PCSK5: variants seen among roughly 807,000 people sequenced by gnomAD.
PCSK5 encodes proprotein convertase subtilisin/kexin type 5.
In PCSK5, 129 loss-of-function variants were observed where a neutral mutation model predicts 233.2. That is an observed-to-expected ratio of 0.55 (90% CI 0.48 to 0.64). The LOEUF (loss-of-function observed/expected upper bound fraction) is 0.64, where lower values mean the gene tolerates loss of function less well. PCSK5 is among the 30% of genes least tolerant of loss of function. The pLI is 0.00. For synonymous variants in PCSK5, 825 were observed against 879.2 expected, an observed-to-expected ratio of 0.94 and a Z score of 1.09; for missense variants, 2,076 against 2,430.1, an observed-to-expected ratio of 0.85 and a Z score of 3.06.
At chr9:76,174,858 G>A (rs1823501227) in intron 13 of PCSK5, 128 bp from the exon 14 acceptor site, 1 of 738,782 alleles carries the variant, frequency 1.4e-6, no homozygotes, top group Non-Finnish European at 2.3e-6. Context: ...TGCGTTTGAT[G>A]TAGTGATTGA....
Position 76,253,096 on chromosome 9 carries a change from C to T in PCSK5, c.3142+12412C>T, listed in dbSNP as rs185481932. Among the ~76,000 whole-genome samples the T allele has an allele frequency of 1.0e-3, 153 of 152,232 alleles. 2 individuals are homozygous for T. The highest frequency in any genetic ancestry group is 8.5e-3 in the Admixed American group (130 of 15,288). On this transcript the variant is annotated intron_variant, in intron 24 of 37. Coordinates refer to ENST00000674117, the MANE Select transcript of PCSK5 (RefSeq NM_001372043.1). Reference sequence around the variant, plus strand: ...GGAAGGAAGTGGCTGATTGTAAAACCGCTGCTCAGCATTCATAAAGCATCG... The same window carrying T: ...GGAAGGAAGTGGCTGATTGTAAAACTGCTGCTCAGCATTCATAAAGCATCG...
At chr9:76,190,564 A>C (rs961074809) in intron 20 of PCSK5, among the ~76,000 whole-genome samples, 2 of 147,014 alleles carry the variant, frequency 1.4e-5, no homozygotes, top group African/African-American at 5.0e-5. Flanking sequence ...TATTTTTAAT[A>C]GCAGCATAAA....
At chr9:76,171,749 T>G (rs1823339898) in intron 13 of PCSK5, among the ~76,000 whole-genome samples, 4 of 152,200 alleles carry the variant, frequency 2.6e-5, no homozygotes. Context: ...CCTAGTCACC[T>G]CCAGTCATTT....
At chr9:76,357,706 A>G (rs1830336206) in intron 37 of PCSK5, among the ~76,000 whole-genome samples, 1 of 152,170 alleles carries the variant, frequency 6.6e-6, no homozygotes. Flanking sequence ...CCTGGATTTG[A>G]ATTCTGATTG....
chr9:76,048,747 A>G (rs1829513413), intron 5 of PCSK5, among the ~76,000 whole-genome samples: 1 of 152,236 alleles, frequency 6.6e-6, no homozygotes, highest in Admixed American at 6.5e-5. Context: ...CTGACAAGTA[A>G]AAGATAAGTG....
chr9:76,251,563 C>CAA lies in PCSK5; in HGVS notation c.3142+10895_3142+10896dup, dbSNP rs60973474. Among the ~76,000 whole-genome samples, 796 of 96,674 alleles carry CAA rather than the reference C, an allele frequency of 8.2e-3. 11 individuals are homozygous for CAA. The highest frequency in any genetic ancestry group is 0.028 in the African/African-American group (668 of 23,584). The allele number at this position is 96,674 out of a possible 152,430, so 63.4% of individuals were successfully genotyped here. On this transcript the variant is annotated intron_variant, in intron 24 of 37. Coordinates refer to ENST00000674117, the MANE Select transcript of PCSK5 (RefSeq NM_001372043.1). ...TGGGTGACAGAGCGAGACTCCGTCT[C>CAA]AAAAAAAAAAAAAAAAAGACAGAAA... is the stretch of plus-strand genomic sequence containing the variant.
chr9:76,143,728 C>CTTT lies in PCSK5; in HGVS notation c.1312+9529_1312+9531dup, dbSNP rs11382449. Among the ~76,000 whole-genome samples the CTTT allele has an allele frequency of 4.2e-3, 598 of 142,008 alleles. 6 individuals carry two copies. Among genetic ancestry groups the CTTT allele is most frequent in the African/African-American group, 0.015 (571 of 38,912 alleles). The allele number at this position is 142,008 out of a possible 152,430, so 93.2% of individuals were successfully genotyped here. ...ATATAATCATCTTTGCTACATCCCA[C>CTTT]TTTTTTTTTTTTTTTAAGAGAAAGA... On this transcript the variant is annotated intron_variant, in intron 10 of 37. Coordinates refer to ENST00000674117, the MANE Select transcript of PCSK5 (RefSeq NM_001372043.1).
chr9:76,237,239 G>A (rs1407539068), intron 22 of PCSK5, among the ~76,000 whole-genome samples: 2 of 152,182 alleles, frequency 1.3e-5, no homozygotes, highest in African/African-American at 4.8e-5. Flanking sequence ...CCACAATGTT[G>A]ATCGATAGCT....
intron 5 of PCSK5, among the ~76,000 whole-genome samples, chr9:76,050,706 G>A (rs998229733): frequency 1.3e-5 from 2 of 152,160 alleles, no homozygotes; most frequent in African/African-American, 4.8e-5. Context: ...ATTTGCATAA[G>A]TCTTGCAATG....
rs557447830 is a variant in PCSK5, at chr9:75,932,542, A to T, written c.297+59A>T. On this transcript the variant is annotated intron_variant, in intron 2 of 37. Transcript: ENST00000674117. ...CAAAGCTTCTGCATTTTTCATTGGT[A>T]ATAACACACTAGGGGCTGAGGACCA... The T allele has an allele frequency of 6.2e-6, 6 of 964,696 alleles. No individual in the cohort carries two copies. The African/African-American group carries it at 8.0e-5, about 13-fold the overall frequency. 59.8% of individuals were successfully genotyped at this position (964,696 alleles called of 1,614,324 possible).
intron 5 of PCSK5, among the ~76,000 whole-genome samples, chr9:76,039,041 T>C (rs1828985085): frequency 2.0e-5 from 3 of 152,210 alleles, no homozygotes; most frequent in African/African-American, 7.2e-5. Flanking sequence ...TTCATATTTG[T>C]TGAAATCTTT....
intron 8 of PCSK5, among the ~76,000 whole-genome samples, chr9:76,102,767 G>C (rs748333556): frequency 6.6e-6 from 1 of 152,158 alleles, no homozygotes; most frequent in Non-Finnish European, 1.5e-5. Context: ...TGTGAGTTTT[G>C]TTTGGATGGT....
intron 24 of PCSK5, among the ~76,000 whole-genome samples, chr9:76,267,640 G>A (rs914731230): frequency 6.6e-6 from 1 of 152,088 alleles, no homozygotes; most frequent in African/African-American, 2.4e-5. Flanking sequence ...TCCCAGCTGA[G>A]CAAGACATAA....
chr9:76,249,864 A>G (rs1390225194), intron 24 of PCSK5, among the ~76,000 whole-genome samples: 1 of 152,240 alleles, frequency 6.6e-6, no homozygotes, highest in Non-Finnish European at 1.5e-5. Context: ...TAATATAGAT[A>G]GAATGGTATT....
rs531879627 is a variant in PCSK5 at position 76,255,567 on chromosome 9, T to G, written c.3142+14883T>G. 2.0e-5 allele frequency among the ~76,000 whole-genome samples: 3 copies of G among 152,314 alleles called. No homozygotes were observed. In the South Asian group the frequency reaches 6.2e-4, roughly 32 times the overall value. ...TAGGCTCAGTGGCTTACACCTGTAATCCTAGCACTTTGGGCAGTTAAGGTG... is the reference window on the plus strand; with the variant it reads ...TAGGCTCAGTGGCTTACACCTGTAAGCCTAGCACTTTGGGCAGTTAAGGTG... On this transcript the variant is annotated intron_variant, in intron 24 of 37. Transcript: ENST00000674117.
At chr9:76,010,627 T>G (rs1405497220) in intron 3 of PCSK5, among the ~76,000 whole-genome samples, 1 of 152,216 alleles carries the variant, frequency 6.6e-6, no homozygotes, top group Admixed American at 6.5e-5. Flanking sequence ...CTTTTTCCAC[T>G]TTGGAAAGCT....
In PCSK5 at chr9:76,321,529, AC is replaced by A. The variant is rs1564178561; in HGVS notation, c.3994del (p.His1332ThrfsTer15). 1 of 1,612,342 alleles carries A rather than the reference AC, an allele frequency of 6.2e-7. No homozygotes were observed. The highest frequency in any genetic ancestry group is 2.2e-5 in the East Asian group (1 of 44,880). ...TCTTGTGAAGGAGGCCACGTCCTGC[AC>A]CACGGAGTGTGCCAGGAAAACTGCC... Reference protein sequence around the residue: ...CHSCEGGHVLHHGVCQENCPE... With the variant: ...CHSCEGGHVLXHGVCQENCPE... On this transcript the variant is annotated frameshift_variant, in exon 31 of 38. Coordinates refer to ENST00000674117, the MANE Select transcript of PCSK5 (RefSeq NM_001372043.1). LOFTEE classifies it high-confidence loss of function.
intron 12 of PCSK5, among the ~76,000 whole-genome samples, chr9:76,166,040 A>T (rs1823072855): frequency 6.6e-6 from 1 of 152,374 alleles, no homozygotes; most frequent in Admixed American, 6.5e-5. Flanking sequence ...AATAAGAAGT[A>T]GCTGAAGTAT....
intron 9 of PCSK5, among the ~76,000 whole-genome samples, chr9:76,115,834 A>G (rs533253487): frequency 1.3e-5 from 2 of 152,220 alleles, no homozygotes; most frequent in Admixed American, 1.3e-4. Context: ...ACATAGTTCA[A>G]ACTTAATCTG....
Sources: allele counts gnomAD v4.1 joint callset (sites outside exome capture counted in the v4.1 genomes callset), GRCh38; gene constraint gnomAD v4.1.1; transcripts MANE v1.5; gene names NCBI Gene and HGNC (gene_info 2026-07-23, HGNC 2026-07-21).